The following CELF4 variants were observed in gnomAD, a reference collection of about 807,000 sequenced individuals.
The protein encoded by CELF4 is CUG-BP- and ETR-3-like factor 4.
Under a neutral mutation model 59.9 loss-of-function variants are expected in CELF4, and 18 were observed. That is an observed-to-expected ratio of 0.30 (90% CI 0.21 to 0.45). CELF4 has a LOEUF of 0.45. Among genes scored for constraint, CELF4 ranks in the 20% least tolerant of loss-of-function variants. The pLI is 1.00. For synonymous variants in CELF4, 261 were observed against 267.1 expected, an observed-to-expected ratio of 0.98 and a Z score of 0.22; for missense variants, 456 against 689.0, an observed-to-expected ratio of 0.66 and a Z score of 3.79.
chr18:37,382,901 G>C (rs950533509), intron 2 of CELF4, among the ~76,000 whole-genome samples: 59 of 152,250 alleles, frequency 3.9e-4, no homozygotes, highest in African/African-American at 1.1e-3. Context: ...ACCCTGGATA[G>C]AGTGTGGCCC....
At chr18:37,450,035 C>G (rs1331215348) in intron 2 of CELF4, among the ~76,000 whole-genome samples, 1 of 152,086 alleles carries the variant, frequency 6.6e-6, no homozygotes, top group Admixed American at 6.6e-5. Context: ...TTCCCAGAGC[C>G]CAGAAGTGCA....
At chr18:37,522,199 G>A (rs1372569864) in intron 1 of CELF4, among the ~76,000 whole-genome samples, 3 of 152,146 alleles carry the variant, frequency 2.0e-5, no homozygotes, top group Admixed American at 2.0e-4. Context: ...TTCTAAATGA[G>A]TCCCACCTCC....
At chr18:37,434,769 G>A (rs2099684348) in intron 2 of CELF4, among the ~76,000 whole-genome samples, 1 of 152,080 alleles carries the variant, frequency 6.6e-6, no homozygotes. Flanking sequence ...TCAGTGTAGG[G>A]AGTAGGGAGG....
chr18:37,323,548 T>A (rs1189257952), intron 2 of CELF4, among the ~76,000 whole-genome samples: 1 of 152,062 alleles, frequency 6.6e-6, no homozygotes, highest in Non-Finnish European at 1.5e-5. Context: ...GGGAGCCAGG[T>A]TGCTCCTGGT....
chr18:37,542,860 G>A lies in CELF4; in HGVS notation c.286+22496C>T, dbSNP rs548272805. ...ACGCTCCAAGCTCCAGGAATGAAAT[G>A]CCTTGCCCCTGACCATTGCCTGGCT... is the stretch of plus-strand genomic sequence containing the variant. On this transcript the variant is annotated intron_variant, in intron 1 of 12. Coordinates refer to ENST00000420428, the MANE Select transcript of CELF4 (RefSeq NM_020180.4). Among the ~76,000 whole-genome samples, 25 of 152,256 alleles carry A rather than the reference G, an allele frequency of 1.6e-4. 1 individual carries two copies. In the South Asian group the frequency reaches 3.7e-3, roughly 23 times the overall value.
intron 2 of CELF4, among the ~76,000 whole-genome samples, chr18:37,440,097 G>C (rs2099707695): frequency 1.3e-5 from 2 of 152,182 alleles, no homozygotes; most frequent in African/African-American, 4.8e-5. Context: ...ACTCTGTCTG[G>C]TTAGAATGAG....
chr18:37,435,007 G>C (rs189839225), intron 2 of CELF4, among the ~76,000 whole-genome samples: 2 of 152,178 alleles, frequency 1.3e-5, no homozygotes, highest in African/African-American at 4.8e-5. Context: ...GTCCACAGGA[G>C]GGGGGGATCC....
chr18:37,270,749 T>G lies in CELF4; in HGVS notation c.1099+19A>C. The G allele has an allele frequency of 6.2e-7, 1 of 1,613,652 alleles. No homozygotes were observed. The highest frequency in any genetic ancestry group is 1.3e-5 in the African/African-American group (1 of 75,056). On this transcript the variant is annotated intron_variant, in intron 8 of 12. Transcript: ENST00000420428. ...AGAATGTGCTGCATACGGAAATAAG[T>G]GCTGACAGATGTGCTTACCTGGGTA...
intron 2 of CELF4, among the ~76,000 whole-genome samples, chr18:37,386,053 G>T (rs985224749): frequency 1.5e-4 from 23 of 152,120 alleles, no homozygotes; most frequent in African/African-American, 5.3e-4. Flanking sequence ...ATCTACCTTG[G>T]TATATTCTTT....
chr18:37,555,423 C>T (rs2099984495), intron 1 of CELF4, among the ~76,000 whole-genome samples: 2 of 152,324 alleles, frequency 1.3e-5, no homozygotes, highest in South Asian at 4.1e-4. Flanking sequence ...TTTCCCCGGT[C>T]TCCTTGCAGG....
intron 3 of CELF4, among the ~76,000 whole-genome samples, chr18:37,315,517 G>A (rs899614889): frequency 1.3e-5 from 2 of 152,130 alleles, no homozygotes; most frequent in African/African-American, 2.4e-5. Context: ...ATCAAAGACC[G>A]TCCCCACCTC....
intron 1 of CELF4, among the ~76,000 whole-genome samples, chr18:37,546,264 T>C (rs993435212): frequency 1.3e-5 from 2 of 152,148 alleles, no homozygotes; most frequent in African/African-American, 4.8e-5. Flanking sequence ...AGCATACACG[T>C]CCGCACATCT....
At chr18:37,553,285 T>C (rs1322036074) in intron 1 of CELF4, among the ~76,000 whole-genome samples, 1 of 152,184 alleles carries the variant, frequency 6.6e-6, no homozygotes, top group Non-Finnish European at 1.5e-5. Context: ...CTTAAGTTGC[T>C]CTACTGGGGC....
At chr18:37,267,565 G>A (rs1025101963) in intron 8 of CELF4, among the ~76,000 whole-genome samples, 1 of 152,178 alleles carries the variant, frequency 6.6e-6, no homozygotes, top group South Asian at 2.1e-4. Flanking sequence ...GATGCTTGAG[G>A]GAAAACTGGA....
In CELF4 at chr18:37,496,478, C is replaced by T. The variant is rs192752751; in HGVS notation, c.287-10871G>A. Among the ~76,000 whole-genome samples, 3 of 152,312 alleles carry T rather than the reference C, an allele frequency of 2.0e-5. No homozygotes were observed. The East Asian group carries it at 5.8e-4, about 29-fold the overall frequency. ...TAATCTCGCCTCTGTCCTCTGGCTT[C>T]TTCCTAACAGGCTCTAATTCACTTA... On this transcript the variant is annotated intron_variant, in intron 1 of 12. Transcript: ENST00000420428.
intron 2 of CELF4, among the ~76,000 whole-genome samples, chr18:37,421,414 C>T (rs755662492): frequency 2.0e-5 from 3 of 152,238 alleles, no homozygotes; most frequent in Non-Finnish European, 2.9e-5. Flanking sequence ...CACTAACACC[C>T]TGGGCTCCGC....
intron 2 of CELF4, among the ~76,000 whole-genome samples, chr18:37,475,015 T>C (rs1320720635): frequency 6.6e-6 from 1 of 152,242 alleles, no homozygotes; most frequent in Non-Finnish European, 1.5e-5. Context: ...ACCCCAGTTC[T>C]CTGGCCCCTT....
At chr18:37,389,710 A>G (rs1457295460) in intron 2 of CELF4, among the ~76,000 whole-genome samples, 1 of 152,154 alleles carries the variant, frequency 6.6e-6, no homozygotes, top group Non-Finnish European at 1.5e-5. Flanking sequence ...CCTCACTGTC[A>G]CACTGAGCGT....
rs756922628 is a variant in CELF4, at chr18:37,270,874, G to A, written c.993C>T (p.Ser331=). 3 of 1,613,408 alleles carry A rather than the reference G, an allele frequency of 1.9e-6. No homozygotes were observed. Among genetic ancestry groups the A allele is most frequent in the Non-Finnish European group, 8.5e-7 (1 of 1,179,872 alleles). Residue 331 remains serine (S), a synonymous_variant, in exon 8 of 13, where the codon AGC becomes AGT. Coordinates refer to ENST00000420428, the MANE Select transcript of CELF4 (RefSeq NM_020180.4). ...CATTCACCCCAATGGGGGATGGGAT[G>A]CTAGGCACGGCTGGTGCAGTGATGC... ...PPGITAPAVP[S]IPSPIGVNGF...
Sources: gnomAD v4.1 joint callset for allele counts (sites outside exome capture counted in the v4.1 genomes callset) on GRCh38, gnomAD v4.1.1 for gene constraint, MANE v1.5 for transcripts, NCBI Gene and HGNC (gene_info 2026-07-23, HGNC 2026-07-21) for gene names.